ZSWIM6: variants seen among roughly 807,000 people sequenced by gnomAD.
ZSWIM6 encodes the protein zinc finger SWIM-type containing 6.
In ZSWIM6, 9 loss-of-function variants were observed where a neutral mutation model predicts 113.2. The observed-to-expected ratio is 0.08, with a 90% CI of 0.05 to 0.14. ZSWIM6 has a LOEUF of 0.14. ZSWIM6 is among the 10% of genes least tolerant of loss of function. The probability of loss-of-function intolerance (pLI) is 1.00; values close to 1 mark genes in which losing one functional copy is unlikely to be tolerated. For synonymous variants in ZSWIM6, 611 were observed against 606.5 expected, an observed-to-expected ratio of 1.01 and a Z score of -0.11; for missense variants, 1,162 against 1,552.2, an observed-to-expected ratio of 0.75 and a Z score of 4.22.
chr5:61,514,323 G>T (rs1748874505), intron 4 of ZSWIM6, among the ~76,000 whole-genome samples: 1 of 147,828 alleles, frequency 6.8e-6, no homozygotes. Context: ...TATACTTACT[G>T]GTTCTAGGAG....
intron 4 of ZSWIM6, among the ~76,000 whole-genome samples, chr5:61,504,381 C>T (rs1439373021): frequency 6.6e-6 from 1 of 152,164 alleles, no homozygotes; most frequent in Admixed American, 6.5e-5. Flanking sequence ...AGTGATTATA[C>T]TATCATACAC....
intron 1 of ZSWIM6, among the ~76,000 whole-genome samples, chr5:61,342,626 T>C (rs1427097867): frequency 6.6e-6 from 1 of 152,198 alleles, no homozygotes; most frequent in Non-Finnish European, 1.5e-5. Flanking sequence ...CTTTCTAGAG[T>C]GACTTTCACA....
chr5:61,514,789 A>G (rs1016143281), intron 4 of ZSWIM6, among the ~76,000 whole-genome samples: 5 of 152,070 alleles, frequency 3.3e-5, no homozygotes, highest in African/African-American at 1.2e-4. Context: ...TTGTGGAGGC[A>G]TTTTACTTCT....
At chr5:61,360,290 G>A (rs1745007485) in intron 1 of ZSWIM6, among the ~76,000 whole-genome samples, 1 of 152,312 alleles carries the variant, frequency 6.6e-6, no homozygotes, top group South Asian at 2.1e-4. Context: ...GTTTCCCATG[G>A]GTGGAACCCA....
At chr5:61,449,629 G>C (rs935764918) in intron 1 of ZSWIM6, among the ~76,000 whole-genome samples, 2 of 152,152 alleles carry the variant, frequency 1.3e-5, no homozygotes, top group Admixed American at 6.6e-5. Context: ...CACCTCAAAA[G>C]GTATTTGGTA....
intron 4 of ZSWIM6, among the ~76,000 whole-genome samples, chr5:61,501,384 C>T (rs1748463444): frequency 6.6e-6 from 1 of 152,116 alleles, no homozygotes; most frequent in African/African-American, 2.4e-5. Flanking sequence ...ATCCTCTTGA[C>T]TGTGGCTGCT....
intron 4 of ZSWIM6, among the ~76,000 whole-genome samples, chr5:61,511,748 T>C (rs1208952377): frequency 3.3e-5 from 5 of 152,182 alleles, no homozygotes; most frequent in Non-Finnish European, 7.4e-5. Flanking sequence ...GTTTATGAGC[T>C]ACCAAATTTA....
intron 1 of ZSWIM6, among the ~76,000 whole-genome samples, chr5:61,401,971 T>C (rs1219962284): frequency 6.6e-6 from 1 of 152,050 alleles, no homozygotes; most frequent in East Asian, 1.9e-4. Flanking sequence ...TGTGTGCTTA[T>C]GTTAGCAGCA....
intron 2 of ZSWIM6, among the ~76,000 whole-genome samples, chr5:61,480,948 T>C (rs1747844423): frequency 6.6e-6 from 1 of 152,192 alleles, no homozygotes; most frequent in Non-Finnish European, 1.5e-5. Context: ...GTGGCTGAAT[T>C]AATCACCTCT....
chr5:61,511,893 C>T (rs1394530848), intron 4 of ZSWIM6, among the ~76,000 whole-genome samples: 1 of 152,112 alleles, frequency 6.6e-6, no homozygotes, highest in African/African-American at 2.4e-5. Flanking sequence ...ATGCCTCTAG[C>T]CTATAGTGGG....
At chr5:61,354,738 T>G (rs1744863669) in intron 1 of ZSWIM6, among the ~76,000 whole-genome samples, 1 of 152,190 alleles carries the variant, frequency 6.6e-6, no homozygotes, top group Admixed American at 6.5e-5. Flanking sequence ...GATTCTAGAG[T>G]AAACCATTAT....
intron 2 of ZSWIM6, among the ~76,000 whole-genome samples, chr5:61,479,520 C>A (rs772864876): frequency 2.6e-5 from 4 of 152,168 alleles, no homozygotes; most frequent in Non-Finnish European, 5.9e-5. Flanking sequence ...TGATCAGTTT[C>A]CTCGCCCATC....
chr5:61,452,536 C>G (rs537385499), intron 1 of ZSWIM6, among the ~76,000 whole-genome samples: 1 of 152,136 alleles, frequency 6.6e-6, no homozygotes, highest in East Asian at 1.9e-4. Context: ...TGTTTGTGAC[C>G]TTTTTGCCAC....
chr5:61,540,783 G>A (rs145251459), intron 12 of ZSWIM6, among the ~76,000 whole-genome samples: 180 of 152,126 alleles, frequency 1.2e-3, no homozygotes, highest in Middle Eastern at 3.4e-3. Flanking sequence ...GGATATGCAC[G>A]AGAGCTTATT....
chr5:61,385,571 A>C lies in ZSWIM6; in HGVS notation c.676+52623A>C, dbSNP rs1053934568. 3.9e-5 allele frequency among the ~76,000 whole-genome samples: 6 copies of C among 152,260 alleles called. No individual in the cohort carries two copies. The South Asian group carries it at 8.3e-4, about 21-fold the overall frequency. ...GGGCCTCAGTTGCATTAATTGAGAT[A>C]ATTTGTTTCTAGTATCTTGGCCCCT... On this transcript the variant is annotated intron_variant, in intron 1 of 13. Coordinates refer to ENST00000252744, the MANE Select transcript of ZSWIM6 (RefSeq NM_020928.2).
rs557637276 is a variant in ZSWIM6 at position 61,535,565 on chromosome 5, C to G, written c.2327C>G (p.Ser776Cys). Reference protein sequence around the residue: ...MHTFAKYLFTSLLPHDAELAY... With the variant: ...MHTFAKYLFTCLLPHDAELAY... ...ACATTTGCCAAGTATCTCTTCACCT[C>G]TCTCCTACCTCACGATGCTGAATTG... Residue 776 changes from serine (S) to cysteine (C), a missense_variant, in exon 10 of 14, where the codon TCT (serine) becomes TGT (cysteine). Around this residue, in one of 4 missense-constraint regions of ZSWIM6, gnomAD observed 620 missense variants for 804.6 expected, o/e 0.77. Transcript: ENST00000252744. 2.6e-6 allele frequency: 4 copies of G among 1,551,370 alleles called. No homozygotes were observed. The highest frequency in any genetic ancestry group is 2.4e-5 in the East Asian group (1 of 40,918).
chr5:61,484,651 A>G (rs1747967681), intron 2 of ZSWIM6, among the ~76,000 whole-genome samples: 1 of 152,182 alleles, frequency 6.6e-6, no homozygotes, highest in Non-Finnish European at 1.5e-5. Context: ...TTTCTGTGGG[A>G]TACAGTTATA....
intron 1 of ZSWIM6, among the ~76,000 whole-genome samples, chr5:61,352,320 G>C (rs1207301313): frequency 6.6e-6 from 1 of 152,172 alleles, no homozygotes; most frequent in African/African-American, 2.4e-5. Context: ...TAGGCTCCAG[G>C]AGAGCAGAAA....
rs769976213 is a variant in ZSWIM6, at chr5:61,543,726, C to T, written c.3057C>T (p.Asp1019=). The T allele has an allele frequency of 5.1e-5, 79 of 1,551,532 alleles. No individual in the cohort carries two copies. Among genetic ancestry groups the T allele is most frequent in the African/African-American group, 1.9e-4 (14 of 73,022 alleles). ...AGACGGCGTACCAAATTGTTCTCGA[C>T]GCTGCTACGACTGGCATGAGCTATA... ...AFETAYQIVL[D]AATTGMSYTQ... is the part of the protein sequence containing the mutation. The change falls in exon 14 of 14, where the codon GAC becomes GAT. Residue 1019 remains aspartate, a synonymous_variant. Coordinates refer to ENST00000252744, the MANE Select transcript of ZSWIM6 (RefSeq NM_020928.2). This position sits in a 1 kb window ranked among gnomAD's most constrained non-coding sequence, Gnocchi z 4.3.
Sources: allele counts gnomAD v4.1 joint callset (sites outside exome capture counted in the v4.1 genomes callset), GRCh38; gene constraint gnomAD v4.1.1; regional missense constraint gnomAD v4.1.1; non-coding constraint Gnocchi (gnomAD v3.1); transcripts MANE v1.5; gene names NCBI Gene and HGNC (gene_info 2026-07-23, HGNC 2026-07-21).